Variants in SLC16A7 observed in about 807,000 individuals in gnomAD.
SLC16A7 encodes solute carrier family 16 member 7.
Under a neutral mutation model 34.9 loss-of-function variants are expected in SLC16A7, and 33 were observed. The ratio of observed to expected loss-of-function variants is 0.94; its 90% confidence interval spans 0.72 to 1.26. The LOEUF is 1.26. Ranked by LOEUF, SLC16A7 falls within the 50% of genes most tolerant of loss-of-function variation. The pLI is 0.00. For missense variants in SLC16A7, 573 were observed against 578.1 expected, an observed-to-expected ratio of 0.99 and a Z score of 0.09; for synonymous variants, 201 against 206.6, an observed-to-expected ratio of 0.97 and a Z score of 0.23.
At chr12:59,708,687 C>T (rs1873868162) in intron 3 of SLC16A7, among the ~76,000 whole-genome samples, 1 of 151,892 alleles carries the variant, frequency 6.6e-6, no homozygotes, top group Non-Finnish European at 1.5e-5. Flanking sequence ...TGTGGGGTCA[C>T]TGAGTAAGAT....
intron 1 of SLC16A7, among the ~76,000 whole-genome samples, chr12:59,640,383 T>C (rs1032101318): frequency 2.0e-5 from 3 of 152,136 alleles, no homozygotes; most frequent in Non-Finnish European, 4.4e-5. Flanking sequence ...AATGTCCCTG[T>C]TTTATAATTT....
At chr12:59,642,045 A>C (rs891996513) in intron 1 of SLC16A7, among the ~76,000 whole-genome samples, 1 of 152,086 alleles carries the variant, frequency 6.6e-6, no homozygotes, top group Admixed American at 6.5e-5. Context: ...AAAAAATTAT[A>C]ATGCTAATTC....
rs79723352 is a variant in SLC16A7, at chr12:59,628,845, T to G, written c.-129-26307T>G. Among the ~76,000 whole-genome samples the G allele has an allele frequency of 1.4e-3, 219 of 152,002 alleles. 6 individuals carry two copies. In the East Asian group the frequency reaches 0.035, roughly 24 times the overall value. ...TAGAAATAATCCCTTAAGACTACAT[T>G]AGATTCTCAAAAGACTTTTTAAAAT... On this transcript the variant is annotated intron_variant, in intron 1 of 5. Coordinates refer to ENST00000547379, the MANE Select transcript of SLC16A7 (RefSeq NM_001270623.2).
rs1868572807 is a variant in SLC16A7, at chr12:59,657,026, A to G, written c.-31+1776A>G. On this transcript the variant is annotated intron_variant, in intron 2 of 5. Coordinates refer to ENST00000547379, the MANE Select transcript of SLC16A7 (RefSeq NM_001270623.2). ...GGGCTGTTGTGAGAATTAACTATTAATTTGTGTTAAGTACTTAGAATATTA... is the reference window on the plus strand; with the variant it reads ...GGGCTGTTGTGAGAATTAACTATTAGTTTGTGTTAAGTACTTAGAATATTA... Among the ~76,000 whole-genome samples, 7 of 152,002 alleles carry G rather than the reference A, an allele frequency of 4.6e-5. No homozygotes were observed. In the South Asian group the frequency reaches 1.5e-3, roughly 32 times the overall value.
intron 3 of SLC16A7, among the ~76,000 whole-genome samples, chr12:59,759,013 T>C (rs1592661276): frequency 8.5e-6 from 1 of 117,550 alleles, no homozygotes; most frequent in African/African-American, 4.0e-5. Context: ...CTGTATGGAC[T>C]TTTTTTTCTA....
chr12:59,715,515 A>T (rs954121014), intron 3 of SLC16A7, among the ~76,000 whole-genome samples: 7 of 152,216 alleles, frequency 4.6e-5, no homozygotes, highest in Non-Finnish European at 1.0e-4. Flanking sequence ...ACAAAAATGC[A>T]GAAAATGTGG....
chr12:59,741,145 T>G (rs1254910664), intron 3 of SLC16A7, among the ~76,000 whole-genome samples: 1 of 152,028 alleles, frequency 6.6e-6, no homozygotes, highest in Non-Finnish European at 1.5e-5. Context: ...CCCAAGGTAA[T>G]TTATAGATTC....
Position 59,756,572 on chromosome 12 carries a change from A to G in SLC16A7, c.218-14647A>G, listed in dbSNP as rs541979756. ...CCACAATGAGATACCATCTCACACC[A>G]GTTAGAATGGCTATCATTAAAAGTC... On this transcript the variant is annotated intron_variant, in intron 3 of 5. Coordinates refer to ENST00000547379, the MANE Select transcript of SLC16A7 (RefSeq NM_001270623.2). Among the ~76,000 whole-genome samples, 19 of 152,078 alleles carry G rather than the reference A, an allele frequency of 1.2e-4. No individual in the cohort carries two copies. The East Asian group carries it at 2.7e-3, about 22-fold the overall frequency.
chr12:59,776,765 C>A (rs989233802), intron 5 of SLC16A7, among the ~76,000 whole-genome samples: 4 of 151,974 alleles, frequency 2.6e-5, no homozygotes, highest in African/African-American at 9.7e-5. Flanking sequence ...CTCTGTCCAC[C>A]AGGGCTATCC....
intron 2 of SLC16A7, among the ~76,000 whole-genome samples, chr12:59,691,322 T>A (rs1871622854): frequency 1.3e-5 from 2 of 152,080 alleles, no homozygotes; most frequent in South Asian, 4.1e-4. Flanking sequence ...TACAAGTGGA[T>A]TTTTAAAAGA....
chr12:59,751,049 T>C (rs2711687), intron 3 of SLC16A7, among the ~76,000 whole-genome samples: 18,092 of 107,846 alleles, frequency 0.17, 1,455 homozygotes, highest in Middle Eastern at 0.31. Flanking sequence ...CATCACACAC[T>C]GAGGCCTGTC....
intron 1 of SLC16A7, among the ~76,000 whole-genome samples, chr12:59,630,972 GA>G (rs1372086197): frequency 1.3e-5 from 2 of 151,814 alleles, no homozygotes; most frequent in African/African-American, 4.8e-5. Context: ...TTTCAAAGGG[GA>G]TATTTATAGC....
chr12:59,652,771 A>G (rs941830025), intron 1 of SLC16A7, among the ~76,000 whole-genome samples: 1 of 151,744 alleles, frequency 6.6e-6, no homozygotes, highest in Non-Finnish European at 1.5e-5. Flanking sequence ...TAAGTATAGC[A>G]TATACTTTTG....
chr12:59,751,409 G>A (rs900733150), intron 3 of SLC16A7, among the ~76,000 whole-genome samples: 3 of 152,212 alleles, frequency 2.0e-5, no homozygotes, highest in Non-Finnish European at 2.9e-5. Flanking sequence ...CCAATACTGC[G>A]CTTTTCCGAT....
chr12:59,683,562 A>C (rs113008445), intron 2 of SLC16A7, among the ~76,000 whole-genome samples: 10,838 of 152,304 alleles, frequency 0.071, 428 homozygotes, highest in Middle Eastern at 0.17. Context: ...GGTTTTTCAG[A>C]TTAGGAACTG....
At chr12:59,621,485 T>A (rs182495442) in intron 1 of SLC16A7, among the ~76,000 whole-genome samples, 1,857 of 151,936 alleles carry the variant, frequency 0.012, 23 homozygotes, top group Middle Eastern at 0.02. Context: ...TTTCCTAATA[T>A]TTAATCTGAT....
chr12:59,606,072 C>T (rs17122682), intron 1 of SLC16A7, among the ~76,000 whole-genome samples: 1 of 152,100 alleles, frequency 6.6e-6, no homozygotes, highest in Non-Finnish European at 1.5e-5. Context: ...CTTCTTTACT[C>T]CTGAGGCATT....
chr12:59,758,900 T>C (rs1490283763), intron 3 of SLC16A7, among the ~76,000 whole-genome samples: 1 of 152,068 alleles, frequency 6.6e-6, no homozygotes, highest in Non-Finnish European at 1.5e-5. Context: ...ATGTATTGTT[T>C]CATCTCCAAG....
chr12:59,647,078 GGACTTT>G (rs755423057), intron 1 of SLC16A7, among the ~76,000 whole-genome samples: 17 of 152,212 alleles, frequency 1.1e-4, no homozygotes, highest in African/African-American at 3.9e-4. Flanking sequence ...CTATGGACTT[GGACTTT>G]TAGGTTAATG....
Sources: allele counts gnomAD v4.1 joint callset (sites outside exome capture counted in the v4.1 genomes callset), GRCh38; gene constraint gnomAD v4.1.1; transcripts MANE v1.5; gene names NCBI Gene and HGNC (gene_info 2026-07-23, HGNC 2026-07-21).